MSRB3: variants seen among roughly 807,000 people sequenced by gnomAD.
MSRB3 encodes methionine sulfoxide reductase B3.
MSRB3 carries 13 observed loss-of-function variants against 21.0 expected under a neutral mutation model. The observed-to-expected ratio is 0.62, with a 90% confidence interval of 0.40 to 0.98. MSRB3 has a LOEUF of 0.98. Among genes scored for constraint, MSRB3 ranks in the 50% least tolerant of loss-of-function variants. The pLI, the probability that MSRB3 is intolerant of heterozygous loss-of-function variation, is 0.00. For missense variants in MSRB3, 199 were observed against 230.3 expected, an observed-to-expected ratio of 0.86 and a Z score of 0.88; for synonymous variants, 87 against 88.6, an observed-to-expected ratio of 0.98 and a Z score of 0.10.
chr12:65,314,974 G>A (rs1159612014), intron 2 of MSRB3, among the ~76,000 whole-genome samples: 2 of 152,138 alleles, frequency 1.3e-5, no homozygotes, highest in Non-Finnish European at 2.9e-5. Flanking sequence ...TTATTAAAAT[G>A]AGCTAACTCT....
chr12:65,280,117 T>C (rs1236001712), intron 1 of MSRB3, among the ~76,000 whole-genome samples: 1 of 152,180 alleles, frequency 6.6e-6, no homozygotes, highest in Non-Finnish European at 1.5e-5. Context: ...ATTTTGTCTA[T>C]AAAAAAACTT....
rs557203341 is a variant in MSRB3, at chr12:65,442,708, T to C, written c.293-11020T>C. Among the ~76,000 whole-genome samples, 4 of 152,212 alleles carry C rather than the reference T, an allele frequency of 2.6e-5. No individual in the cohort carries two copies. The East Asian group carries it at 5.8e-4, about 22-fold the overall frequency. On this transcript the variant is annotated intron_variant, in intron 5 of 6. Coordinates refer to ENST00000308259, the MANE Select transcript of MSRB3 (RefSeq NM_001031679.3). ...AATAAAATAATCATCTAAAGTTGAA[T>C]GTTTTTGGATCAAGGTTACTAGGTC... is the stretch of plus-strand genomic sequence containing the variant.
intron 1 of MSRB3, among the ~76,000 whole-genome samples, chr12:65,293,783 C>T (rs1284104397): frequency 1.3e-5 from 2 of 152,306 alleles, no homozygotes; most frequent in African/African-American, 4.8e-5. Context: ...TTCTCCCCAG[C>T]TTCTGTTTGT....
exon 7 of MSRB3, chr12:65,466,892 TTTCTTTATAAAAATA>T (rs2136732756): frequency 6.6e-6 from 1 of 152,326 alleles, no homozygotes; most frequent in Admixed American, 6.5e-5. Context: ...TGCAATAAAA[TTTCTTTATAAAAATA>T]TTTTCTTCTT....
Position 65,336,623 on chromosome 12 carries a change from T to C in MSRB3, c.263+8020T>C, listed in dbSNP as rs547582857. On this transcript the variant is annotated intron_variant, in intron 4 of 6. Coordinates refer to ENST00000308259, the MANE Select transcript of MSRB3 (RefSeq NM_001031679.3). ...AAACATAATAGGGAAAACTTTTAAC[T>C]GTAATTCATGTACATTTATCTTGTT... Among the ~76,000 whole-genome samples the C allele has an allele frequency of 3.5e-4, 54 of 152,366 alleles. 1 individual carries two copies. In the South Asian group the frequency reaches 0.011, roughly 30 times the overall value.
At chr12:65,454,943 C>CT (rs2136705202) in intron 6 of MSRB3, among the ~76,000 whole-genome samples, 1 of 152,242 alleles carries the variant, frequency 6.6e-6, no homozygotes, top group African/African-American at 2.4e-5. Context: ...TTTCAACCTG[C>CT]TTTAAATAAG....
intron 1 of MSRB3, chr12:65,305,348 G>A (rs902384449): frequency 6.6e-5 from 10 of 152,190 alleles, no homozygotes; most frequent in East Asian, 1.9e-4. Flanking sequence ...GAGCCACCTC[G>A]TCTGGCCATC....
At chr12:65,434,030 C>T (rs1314143339) in intron 5 of MSRB3, among the ~76,000 whole-genome samples, 1 of 151,964 alleles carries the variant, frequency 6.6e-6, no homozygotes, top group Non-Finnish European at 1.5e-5. Flanking sequence ...TAAGTGTGAA[C>T]AAATTACCCT....
rs1883410431 is a variant in MSRB3, at chr12:65,463,238, T to C, written c.474T>C (p.Ser158=). 1 of 1,614,214 alleles carries C rather than the reference T, an allele frequency of 6.2e-7. No homozygotes were observed. The highest frequency in any genetic ancestry group is 1.3e-5 in the African/African-American group (1 of 75,050). The change falls in exon 7 of 7, where the codon TCT becomes TCC. Residue 158 remains serine (S), a synonymous_variant. Coordinates refer to ENST00000308259, the MANE Select transcript of MSRB3 (RefSeq NM_001031679.3). ...ACTGCATAAATTCGGCTGCCTTGTC[T>C]TTTACACCTGCGGATAGCAGTGGCA... is the stretch of plus-strand genomic sequence containing the variant. ...KRYCINSAAL[S]FTPADSSGTA...
intron 2 of MSRB3, among the ~76,000 whole-genome samples, chr12:65,320,443 T>A (rs1265290495): frequency 6.6e-6 from 1 of 152,216 alleles, no homozygotes; most frequent in Non-Finnish European, 1.5e-5. Context: ...AAGATTACTC[T>A]GAAGGGGAGA....
chr12:65,340,961 A>T (rs1328762876), intron 4 of MSRB3, among the ~76,000 whole-genome samples: 1 of 152,128 alleles, frequency 6.6e-6, no homozygotes, highest in Non-Finnish European at 1.5e-5. Context: ...CTATGCTATT[A>T]TAAACTGTAT....
In MSRB3 at chr12:65,465,178, C is replaced by G. The variant is rs1442892228; in HGVS notation, c.*1856C>G. The G allele has an allele frequency of 6.6e-6, 1 of 152,198 alleles. No individual in the cohort carries two copies. Among genetic ancestry groups the G allele is most frequent in the Non-Finnish European group, 1.5e-5 (1 of 68,048 alleles). The allele number at this position is 152,198 out of a possible 1,614,324, so 9.4% of individuals were successfully genotyped here. ...ACGGCTAGTTTTACTTTGAGAAGCTCTGCTCAGCTGCTTTATAACATTAAG... is the reference window on the plus strand; with the variant it reads ...ACGGCTAGTTTTACTTTGAGAAGCTGTGCTCAGCTGCTTTATAACATTAAG... On this transcript the variant is annotated 3_prime_UTR_variant, in exon 7 of 7. Transcript: ENST00000308259.
At chr12:65,375,590 C>G (rs779741448) in intron 5 of MSRB3, among the ~76,000 whole-genome samples, 1 of 151,914 alleles carries the variant, frequency 6.6e-6, no homozygotes, top group Non-Finnish European at 1.5e-5. Flanking sequence ...GTGCACACCA[C>G]CATGCCGGGC....
At chr12:65,307,137 C>CAGTA in intron 1 of MSRB3, 1 of 616,330 alleles carries the variant, frequency 1.6e-6, no homozygotes, top group Non-Finnish European at 2.0e-6. Context: ...TTTTATTAGT[C>CAGTA]AGTAGTCTGC....
At chr12:65,460,734 C>T (rs1349996057) in intron 6 of MSRB3, among the ~76,000 whole-genome samples, 1 of 145,432 alleles carries the variant, frequency 6.9e-6, no homozygotes, top group Non-Finnish European at 1.5e-5. Flanking sequence ...TTCTCTTCCT[C>T]ACTTTTTTTT....
chr12:65,362,301 C>T (rs918192802), intron 4 of MSRB3, among the ~76,000 whole-genome samples: 7 of 152,092 alleles, frequency 4.6e-5, no homozygotes, highest in African/African-American at 1.7e-4. Context: ...GGCCTTCTCC[C>T]TAAATCATCT....
intron 4 of MSRB3, among the ~76,000 whole-genome samples, chr12:65,353,003 G>A (rs1592555674): frequency 6.6e-6 from 1 of 151,704 alleles, no homozygotes; most frequent in African/African-American, 2.4e-5. Flanking sequence ...AGCCCGCATC[G>A]CCAAGGCAAT....
At chr12:65,414,851 TG>T (rs1398329392) in intron 5 of MSRB3, among the ~76,000 whole-genome samples, 1 of 152,064 alleles carries the variant, frequency 6.6e-6, no homozygotes, top group Non-Finnish European at 1.5e-5. Flanking sequence ...TAAGTTCAGG[TG>T]GGGCCTGGGG....
At chr12:65,419,450 C>T in intron 5 of MSRB3, 1 of 747,802 alleles carries the variant, frequency 1.3e-6, no homozygotes, top group Admixed American at 1.7e-5. Flanking sequence ...ACACTGGTGT[C>T]ATCAATGACC....
Sources: gnomAD v4.1 joint callset for allele counts (sites outside exome capture counted in the v4.1 genomes callset) on GRCh38, gnomAD v4.1.1 for gene constraint, MANE v1.5 for transcripts, NCBI Gene and HGNC (gene_info 2026-07-23, HGNC 2026-07-21) for gene names.